SESN3: variants seen among roughly 807,000 people sequenced by gnomAD.
SESN3 encodes sestrin 3.
Under a neutral mutation model 55.3 loss-of-function variants are expected in SESN3, and 21 were observed. The ratio of observed to expected loss-of-function variants is 0.38; its 90% CI spans 0.27 to 0.55. SESN3 has a LOEUF of 0.55. SESN3 is among the 20% of genes least tolerant of loss of function. The pLI, the probability that SESN3 is intolerant of heterozygous loss-of-function variation, is 0.76. For missense variants in SESN3, 408 were observed against 604.3 expected, an observed-to-expected ratio of 0.68 and a Z score of 3.41; for synonymous variants, 181 against 203.1, an observed-to-expected ratio of 0.89 and a Z score of 0.93.
chr11:95,213,697 G>T (rs930512142), intron 1 of SESN3, among the ~76,000 whole-genome samples: 7 of 152,038 alleles, frequency 4.6e-5, no homozygotes, highest in African/African-American at 1.7e-4. Flanking sequence ...CCATGAGATA[G>T]CTCTGTTTAA....
intron 1 of SESN3, among the ~76,000 whole-genome samples, chr11:95,206,519 C>T (rs1477646548): frequency 6.6e-6 from 1 of 152,118 alleles, no homozygotes; most frequent in Admixed American, 6.6e-5. Flanking sequence ...TATAATTATG[C>T]TATAATTAAG....
At chr11:95,196,217 T>G (rs921780340) in intron 1 of SESN3, among the ~76,000 whole-genome samples, 2 of 152,208 alleles carry the variant, frequency 1.3e-5, no homozygotes, top group African/African-American at 4.8e-5. Flanking sequence ...AGTTTCTGCT[T>G]CTGCATAAGG....
rs540719948 is a variant in SESN3, at chr11:95,194,122, G to T, written c.79-600C>A. Among the ~76,000 whole-genome samples the T allele has an allele frequency of 1.6e-4, 24 of 151,978 alleles. No homozygotes were observed. In the East Asian group the frequency reaches 4.2e-3, roughly 27 times the overall value. ...ATTAACAACTGACAGATTGCCAATG[G>T]TATGTCTGAATGCTGATTTTTTTTT... On this transcript the variant is annotated intron_variant, in intron 1 of 9. Coordinates refer to ENST00000536441, the MANE Select transcript of SESN3 (RefSeq NM_144665.4).
intron 6 of SESN3, among the ~76,000 whole-genome samples, chr11:95,182,732 A>G (rs559807818): frequency 3.3e-5 from 5 of 152,318 alleles, no homozygotes; most frequent in South Asian, 4.1e-4. Flanking sequence ...CAAGATCCTT[A>G]CAGTAGGGAC....
rs71036380 is a variant in SESN3 at position 95,210,017 on chromosome 11, C to CAA, written c.79-16497_79-16496dup. ...GGGCAACAAGAGTGAAACTCCATCTCAAAAAAAAAAAAAAAAAAAAAAAAG... is the reference window on the plus strand; with the variant it reads ...GGGCAACAAGAGTGAAACTCCATCTCAAAAAAAAAAAAAAAAAAAAAAAAAAG... On this transcript the variant is annotated intron_variant, in intron 1 of 9. Transcript: ENST00000536441. 8.1e-3 allele frequency among the ~76,000 whole-genome samples: 481 copies of CAA among 59,552 alleles called. 1 individual carries two copies. Among genetic ancestry groups the CAA allele is most frequent in the Non-Finnish European group, 8.8e-3 (290 of 32,926 alleles). 39.1% of individuals were successfully genotyped at this position (59,552 alleles called of 152,430 possible). A position where few individuals can be genotyped will look rare whatever the true frequency, so the allele number is the denominator to read the frequency against.
intron 1 of SESN3, among the ~76,000 whole-genome samples, chr11:95,219,303 G>C (rs2134264884): frequency 1.3e-5 from 2 of 152,170 alleles, no homozygotes; most frequent in Admixed American, 1.3e-4. Context: ...TAGCTTAAAT[G>C]CCTTTTATTT....
chr11:95,186,813 A>G (rs925754829), intron 4 of SESN3, among the ~76,000 whole-genome samples: 4 of 151,842 alleles, frequency 2.6e-5, no homozygotes, highest in African/African-American at 9.7e-5. Context: ...GTAAATAAAG[A>G]GGGTCATTAT....
chr11:95,226,706 T>G (rs562816984), intron 1 of SESN3, among the ~76,000 whole-genome samples: 2 of 152,194 alleles, frequency 1.3e-5, no homozygotes, highest in Non-Finnish European at 2.9e-5. Context: ...TGTACAAAGA[T>G]AGCAGAACAA....
At chr11:95,228,157 C>T (rs1007527536) in intron 1 of SESN3, among the ~76,000 whole-genome samples, 2 of 152,122 alleles carry the variant, frequency 1.3e-5, no homozygotes, top group Non-Finnish European at 2.9e-5. Flanking sequence ...AATTCTCATA[C>T]AATATATAAT....
chr11:95,207,457 A>G (rs1860571224), intron 1 of SESN3, among the ~76,000 whole-genome samples: 1 of 151,566 alleles, frequency 6.6e-6, no homozygotes, highest in Non-Finnish European at 1.5e-5. Flanking sequence ...TAATTTTCAC[A>G]TTTAAAAAAT....
chr11:95,217,508 C>T (rs559991779), intron 1 of SESN3, among the ~76,000 whole-genome samples: 19 of 151,974 alleles, frequency 1.3e-4, no homozygotes, highest in Non-Finnish European at 2.6e-4. Context: ...AAAAATTAGC[C>T]GGGCACGGTG....
rs573191861 is a variant in SESN3 at position 95,222,495 on chromosome 11, T to A, written c.78+8288A>T. The stretch of plus-strand genomic sequence containing the variant: ...TTGGAAAATGAGAAAAGTTTTCATA[T>A]TATTGGCTATATTGTATCTAATATA... On this transcript the variant is annotated intron_variant, in intron 1 of 9. Coordinates refer to ENST00000536441, the MANE Select transcript of SESN3 (RefSeq NM_144665.4). Among the ~76,000 whole-genome samples the A allele has an allele frequency of 5.9e-5, 9 of 152,358 alleles. No individual in the cohort carries two copies. In the East Asian group the frequency reaches 1.7e-3, roughly 29 times the overall value.
chr11:95,206,183 T>TA (rs1860542934), intron 1 of SESN3, among the ~76,000 whole-genome samples: 1 of 152,134 alleles, frequency 6.6e-6, no homozygotes, highest in South Asian at 2.1e-4. Context: ...AATTTAATTA[T>TA]AAAAGAAGTG....
rs928036588 is a variant in SESN3 at position 95,230,729 on chromosome 11, C to A, written c.78+54G>T. 1.1e-5 allele frequency: 15 copies of A among 1,408,602 alleles called. No individual in the cohort carries two copies. The Admixed American group carries it at 2.7e-4, about 25-fold the overall frequency. 87.3% of individuals were successfully genotyped at this position (1,408,602 alleles called of 1,614,324 possible). On this transcript the variant is annotated intron_variant, in intron 1 of 9. Coordinates refer to ENST00000536441, the MANE Select transcript of SESN3 (RefSeq NM_144665.4). This position sits in a 1 kb window ranked among gnomAD's most constrained non-coding sequence, Gnocchi z 4.6. ...CGCGCCCGGGGACGAGCCGCCCGAGCCCCGGCCGGCAGGAAGCGACCCTCG... is the reference window on the plus strand; with the variant it reads ...CGCGCCCGGGGACGAGCCGCCCGAGACCCGGCCGGCAGGAAGCGACCCTCG...
chr11:95,200,518 T>G (rs1271785976), intron 1 of SESN3, among the ~76,000 whole-genome samples: 1 of 152,062 alleles, frequency 6.6e-6, no homozygotes, highest in African/African-American at 2.4e-5. Flanking sequence ...CCAGCATCTC[T>G]TCTCTTACTT....
At chr11:95,217,950 C>G (rs1480340025) in intron 1 of SESN3, among the ~76,000 whole-genome samples, 1 of 152,234 alleles carries the variant, frequency 6.6e-6, no homozygotes, top group African/African-American at 2.4e-5. Context: ...TCCACCACTT[C>G]TGCTCATCAG....
chr11:95,180,696 T>TATAAG (rs1860043821), intron 6 of SESN3, among the ~76,000 whole-genome samples: 1 of 151,712 alleles, frequency 6.6e-6, no homozygotes, highest in South Asian at 2.1e-4. Context: ...GATGTTTAAG[T>TATAAG]ATAAGATGAT....
At chr11:95,186,519 T>C (rs904366367) in intron 4 of SESN3, among the ~76,000 whole-genome samples, 1 of 151,714 alleles carries the variant, frequency 6.6e-6, no homozygotes, top group Non-Finnish European at 1.5e-5. Context: ...TATAGCTAGA[T>C]AGAAGGAATA....
At position 95,171,743 on chromosome 11, in the gene SESN3, A is replaced by G. The variant is rs938305693; in HGVS notation, c.*1512T>C. ...ATTCAAGTCACCCTTAACTAACCAA[A>G]AAGTGTTTAAAAAGCAGTGCAGTTG... On this transcript the variant is annotated 3_prime_UTR_variant, in exon 10 of 10. Transcript: ENST00000536441. The G allele has an allele frequency of 6.6e-6, 1 of 152,174 alleles. No individual in the cohort carries two copies. Among genetic ancestry groups the G allele is most frequent in the African/African-American group, 2.4e-5 (1 of 41,458 alleles). 9.4% of individuals were successfully genotyped at this position (152,174 alleles called of 1,614,324 possible). A position where few individuals can be genotyped will look rare whatever the true frequency, so the allele number is the denominator to read the frequency against.
Sources: gnomAD v4.1 joint callset for allele counts (sites outside exome capture counted in the v4.1 genomes callset) on GRCh38, gnomAD v4.1.1 for gene constraint, Gnocchi (gnomAD v3.1) non-coding constraint, MANE v1.5 for transcripts, NCBI Gene and HGNC (gene_info 2026-07-23, HGNC 2026-07-21) for gene names.